The following CATSPERE variants were observed in gnomAD, a reference collection of about 807,000 sequenced individuals.
CATSPERE encodes cation channel sperm-associated auxiliary subunit epsilon.
In CATSPERE, 93 loss-of-function variants were observed where a neutral mutation model predicts 114.1. The ratio of observed to expected loss-of-function variants is 0.81; its 90% CI spans 0.69 to 0.97. The LOEUF is 0.97. CATSPERE is among the 50% of genes least tolerant of loss of function. The pLI, the probability that CATSPERE is intolerant of heterozygous loss-of-function variation, is 0.00. For missense variants in CATSPERE, 1,058 were observed against 1,131.6 expected (o/e 0.93, Z 0.93); for synonymous variants, 341 against 384.1 (o/e 0.89, Z 1.31).
intron 1 of CATSPERE, among the ~76,000 whole-genome samples, chr1:244,455,211 T>C (rs1228633108): frequency 1.3e-5 from 2 of 152,200 alleles, no homozygotes; most frequent in Non-Finnish European, 2.9e-5. Flanking sequence ...GATTCCCTTC[T>C]GGTTTTTTAT....
Position 244,610,176 on chromosome 1 carries a change from T to G in CATSPERE, c.2404-64T>G, listed in dbSNP as rs566085926. 1.3e-4 allele frequency: 140 copies of G among 1,038,050 alleles called. No homozygotes were observed. The African/African-American group carries it at 2.1e-3, about 15-fold the overall frequency. 64.3% of individuals were successfully genotyped at this position (1,038,050 alleles called of 1,614,324 possible). ...TTTTCAATAGCAACAAAACATTAAA[T>G]ACTTAGGAATAAGTTGATATGAAAA... On this transcript the variant is annotated intron_variant, in intron 18 of 21. Transcript: ENST00000366534.
At chr1:244,623,624 G>C (rs1054797499) in intron 20 of CATSPERE, among the ~76,000 whole-genome samples, 4 of 152,006 alleles carry the variant, frequency 2.6e-5, no homozygotes, top group Non-Finnish European at 1.5e-5. Context: ...GCTTTGGTTG[G>C]TTGCTGCCAC....
In CATSPERE at chr1:244,493,128, G is replaced by A. The variant is rs902685239; in HGVS notation, c.351+2657G>A. Among the ~76,000 whole-genome samples, 14 of 151,820 alleles carry A rather than the reference G, an allele frequency of 9.2e-5. No individual in the cohort carries two copies. In the South Asian group the frequency reaches 1.5e-3, roughly 16 times the overall value. On this transcript the variant is annotated intron_variant, in intron 6 of 21. Coordinates refer to ENST00000366534, the MANE Select transcript of CATSPERE (RefSeq NM_001130957.2). ...TTCATATGGAACCAAAAAAGAGCCC[G>A]CATCTCCAAGTCAATCCTAAGCCAA...
At chr1:244,515,257 CTG>C in intron 7 of CATSPERE, 5 of 849,888 alleles carry the variant, frequency 5.9e-6, no homozygotes, top group Non-Finnish European at 7.1e-6. Context: ...GACTTTGTAA[CTG>C]TTGTTCCTTC....
chr1:244,570,776 C>G (rs1408071654), intron 10 of CATSPERE, among the ~76,000 whole-genome samples: 1 of 152,140 alleles, frequency 6.6e-6, no homozygotes, highest in Non-Finnish European at 1.5e-5. Context: ...GACTTCTAAA[C>G]TGAAAACTAG....
chr1:244,627,335 C>G (rs979337340), intron 20 of CATSPERE, among the ~76,000 whole-genome samples: 6 of 152,070 alleles, frequency 3.9e-5, no homozygotes, highest in Admixed American at 6.5e-5. Context: ...CTTTGGGAGG[C>G]CAAAGTGAGA....
At chr1:244,491,691 C>T (rs936579616) in intron 6 of CATSPERE, among the ~76,000 whole-genome samples, 34 of 151,836 alleles carry the variant, frequency 2.2e-4, no homozygotes, top group Middle Eastern at 3.4e-3. Context: ...ATCGATAGAC[C>T]GCTAGCAAGA....
chr1:244,481,584 A>T (rs1422426668), intron 5 of CATSPERE, among the ~76,000 whole-genome samples: 1 of 152,166 alleles, frequency 6.6e-6, no homozygotes, highest in African/African-American at 2.4e-5. Context: ...ATCAGAGAAG[A>T]TAATCTGTTG....
intron 2 of CATSPERE, among the ~76,000 whole-genome samples, chr1:244,474,322 G>T (rs117751277): frequency 1.3e-5 from 2 of 151,920 alleles, no homozygotes; most frequent in Non-Finnish European, 2.9e-5. Context: ...GTGAGCCACC[G>T]CACTCAGTTT....
intron 20 of CATSPERE, among the ~76,000 whole-genome samples, chr1:244,623,376 A>G (rs1053823286): frequency 6.6e-6 from 1 of 152,086 alleles, no homozygotes; most frequent in Non-Finnish European, 1.5e-5. Context: ...CCACCTCGTT[A>G]CCTTCTTTTG....
intron 8 of CATSPERE, among the ~76,000 whole-genome samples, chr1:244,550,037 A>C (rs1660370209): frequency 6.6e-6 from 1 of 152,156 alleles, no homozygotes. Context: ...CCTGCTTCTC[A>C]AGCCTTCAGA....
chr1:244,610,670 G>C (rs1670593162), intron 19 of CATSPERE: 1 of 253,906 alleles, frequency 3.9e-6, no homozygotes, highest in Non-Finnish European at 7.8e-6. Flanking sequence ...AAATCAAGTT[G>C]TCAATGAGGA....
At chr1:244,525,271 T>C (rs1678355619) in intron 8 of CATSPERE, among the ~76,000 whole-genome samples, 1 of 141,116 alleles carries the variant, frequency 7.1e-6, no homozygotes, top group African/African-American at 2.7e-5. Flanking sequence ...TTCTCACTCA[T>C]AGGTGGGAAT....
At chr1:244,469,607 C>T (rs1668145102) in intron 2 of CATSPERE, among the ~76,000 whole-genome samples, 2 of 152,164 alleles carry the variant, frequency 1.3e-5, no homozygotes, top group South Asian at 4.1e-4. Context: ...TTGCAGACGA[C>T]ATGATCCTTT....
intron 8 of CATSPERE, among the ~76,000 whole-genome samples, chr1:244,528,998 G>C (rs759781736): frequency 1.3e-5 from 2 of 152,030 alleles, no homozygotes; most frequent in East Asian, 3.9e-4. Context: ...ATTGTTGCAC[G>C]TGACAGGATC....
chr1:244,487,442 G>A (rs1294994934), intron 5 of CATSPERE, among the ~76,000 whole-genome samples: 1 of 152,130 alleles, frequency 6.6e-6, no homozygotes, highest in Admixed American at 6.5e-5. Flanking sequence ...ACCCCCGAGG[G>A]TATTGCAGCC....
intron 12 of CATSPERE, among the ~76,000 whole-genome samples, chr1:244,583,212 T>A (rs1666492840): frequency 6.7e-6 from 1 of 148,464 alleles, no homozygotes; most frequent in Non-Finnish European, 1.5e-5. Flanking sequence ...TTTGTCCTCA[T>A]TTTTTTTTGA....
At chr1:244,529,676 A>C (rs970698349) in intron 8 of CATSPERE, among the ~76,000 whole-genome samples, 1 of 150,628 alleles carries the variant, frequency 6.6e-6, no homozygotes, top group Admixed American at 6.6e-5. Flanking sequence ...TTTATTTTTT[A>C]TTTTTATTTT....
At chr1:244,461,653 A>T in intron 1 of CATSPERE, 159 bp downstream of exon 1, 1 of 475,004 alleles carries the variant, frequency 2.1e-6, no homozygotes, top group Non-Finnish European at 3.4e-6. Flanking sequence ...CCAGTGTCCC[A>T]CCGCTCCCAC....
Sources: gnomAD v4.1 joint callset for allele counts (sites outside exome capture counted in the v4.1 genomes callset) on GRCh38, gnomAD v4.1.1 for gene constraint, MANE v1.5 for transcripts, NCBI Gene and HGNC (gene_info 2026-07-23, HGNC 2026-07-21) for gene names.